The following FGF12 variants were observed in gnomAD, a reference collection of about 807,000 sequenced individuals.
FGF12 encodes fibroblast growth factor 12B.
In FGF12, 14 loss-of-function variants were observed where a neutral mutation model predicts 23.6. The observed-to-expected ratio is 0.59, with a 90% CI of 0.39 to 0.93. The LOEUF is 0.93. Ranked by LOEUF, FGF12 falls within the 40% of genes least tolerant of loss-of-function variation. FGF12 has a pLI of 0.00. For synonymous variants in FGF12, 62 were observed against 77.3 expected, an observed-to-expected ratio of 0.80 and a Z score of 1.04; for missense variants, 175 against 217.8, an observed-to-expected ratio of 0.80 and a Z score of 1.24.
chr3:192,423,476 A>T (rs961152406), intron 2 of FGF12, among the ~76,000 whole-genome samples: 9 of 152,196 alleles, frequency 5.9e-5, no homozygotes, highest in African/African-American at 1.9e-4. Flanking sequence ...AAACAGCTTA[A>T]ACTTTTTGTT....
intron 2 of FGF12, among the ~76,000 whole-genome samples, chr3:192,506,653 T>G (rs1414573909): frequency 6.6e-6 from 1 of 152,194 alleles, no homozygotes; most frequent in African/African-American, 2.4e-5. Context: ...ATTACAGGCG[T>G]GAGCCACCGA....
chr3:192,510,928 T>C (rs537084280), intron 2 of FGF12, among the ~76,000 whole-genome samples: 2 of 152,126 alleles, frequency 1.3e-5, no homozygotes, highest in East Asian at 1.9e-4. Flanking sequence ...TGCTAAACTA[T>C]AGAGATAGTA....
At chr3:192,388,072 A>C (rs942939720) in intron 2 of FGF12, among the ~76,000 whole-genome samples, 6 of 152,098 alleles carry the variant, frequency 3.9e-5, no homozygotes, top group Non-Finnish European at 5.9e-5. Flanking sequence ...CAGTATAGGC[A>C]ACATAAAGAC....
Position 192,408,562 on chromosome 3 carries a change from T to C in FGF12, c.14-48024A>G, listed in dbSNP as rs761781818. 9 of 1,125,682 alleles carry C rather than the reference T, an allele frequency of 8.0e-6. No homozygotes were observed. Among genetic ancestry groups the C allele is most frequent in the Non-Finnish European group, 9.8e-6 (9 of 918,508 alleles). 69.7% of individuals were successfully genotyped at this position (1,125,682 alleles called of 1,614,324 possible). ...GGCGTCCAAGGGGCAGTGGGGAGTT[T>C]AGTCACACTGCGTTCGGGGTACCAA... On this transcript the variant is annotated intron_variant, in intron 2 of 5. Coordinates refer to ENST00000445105, the MANE Select transcript of FGF12 (RefSeq NM_004113.6). The surrounding 1 kb of genome is among the most constrained non-coding windows in gnomAD (Gnocchi z 7.3).
chr3:192,666,909 TAGATAGATGATA>T (rs1560187690), intron 2 of FGF12, among the ~76,000 whole-genome samples: 22 of 140,444 alleles, frequency 1.6e-4, no homozygotes, highest in African/African-American at 5.8e-4. Flanking sequence ...GATAGTTGGA[TAGATAGATGATA>T]GATAGATAGA....
intron 2 of FGF12, among the ~76,000 whole-genome samples, chr3:192,475,900 T>C (rs530294898): frequency 2.2e-4 from 33 of 152,144 alleles, no homozygotes; most frequent in African/African-American, 7.7e-4. Context: ...AGATAATAGA[T>C]AGATGGTAGA....
chr3:192,290,888 CA>C (rs896581893), intron 4 of FGF12, among the ~76,000 whole-genome samples: 5 of 150,988 alleles, frequency 3.3e-5, no homozygotes, highest in East Asian at 3.9e-4. Flanking sequence ...TTATTTACTT[CA>C]AAAAAAAGGA....
At chr3:192,280,225 G>GT (rs1234163143) in intron 4 of FGF12, among the ~76,000 whole-genome samples, 3 of 151,906 alleles carry the variant, frequency 2.0e-5, no homozygotes, top group Non-Finnish European at 4.4e-5. Context: ...ATGTAATGAG[G>GT]TTTTTTTCCA....
At chr3:192,626,140 A>G (rs1715159820) in intron 2 of FGF12, among the ~76,000 whole-genome samples, 1 of 152,160 alleles carries the variant, frequency 6.6e-6, no homozygotes, top group Admixed American at 6.5e-5. Flanking sequence ...AGAATAAGTA[A>G]ATGATTAAAT....
chr3:192,590,142 C>T (rs1713559772), intron 2 of FGF12, among the ~76,000 whole-genome samples: 2 of 151,800 alleles, frequency 1.3e-5, no homozygotes, highest in Admixed American at 6.6e-5. Context: ...CATATTTAAC[C>T]TAAAACTCAG....
intron 4 of FGF12, among the ~76,000 whole-genome samples, chr3:192,285,326 T>G (rs1045503314): frequency 5.3e-5 from 8 of 152,020 alleles, no homozygotes; most frequent in Non-Finnish European, 8.8e-5. Context: ...AGTACTAAAA[T>G]TCAAGCCTCC....
chr3:192,219,988 T>C (rs1215072901), intron 4 of FGF12, among the ~76,000 whole-genome samples: 1 of 152,204 alleles, frequency 6.6e-6, no homozygotes, highest in Non-Finnish European at 1.5e-5. Flanking sequence ...CATTGTTTTC[T>C]TTTCCAGTGC....
intron 2 of FGF12, among the ~76,000 whole-genome samples, chr3:192,477,539 C>A (rs1372049577): frequency 1.3e-5 from 2 of 152,114 alleles, no homozygotes; most frequent in African/African-American, 4.8e-5. Flanking sequence ...ATACTTTATT[C>A]CCAATGATTG....
At chr3:192,684,291 A>G (rs1038276801) in intron 2 of FGF12, among the ~76,000 whole-genome samples, 1 of 152,230 alleles carries the variant, frequency 6.6e-6, no homozygotes, top group Non-Finnish European at 1.5e-5. Flanking sequence ...GGAAATACGC[A>G]TCAGACCCAC....
In FGF12 at chr3:192,366,819, G is replaced by C. The variant is rs376303932; in HGVS notation, c.14-6281C>G. Among the ~76,000 whole-genome samples, 11 of 152,320 alleles carry C rather than the reference G, an allele frequency of 7.2e-5. No individual in the cohort carries two copies. The East Asian group carries it at 1.9e-3, about 27-fold the overall frequency. On this transcript the variant is annotated intron_variant, in intron 2 of 5. Transcript: ENST00000445105. ...TAGAAGAGGGAGGATTTGGAGAGCT[G>C]TCTCCACGTTCTTGAAAATCCAAAG...
intron 4 of FGF12, among the ~76,000 whole-genome samples, chr3:192,224,149 G>A (rs1196683274): frequency 2.6e-5 from 4 of 152,086 alleles, no homozygotes; most frequent in African/African-American, 9.7e-5. Context: ...ATTACTACTA[G>A]ACAAACTGAT....
intron 2 of FGF12, among the ~76,000 whole-genome samples, chr3:192,558,729 T>C (rs956437227): frequency 3.9e-5 from 6 of 151,960 alleles, no homozygotes; most frequent in African/African-American, 1.4e-4. Context: ...CAATGCAATC[T>C]GGTACTGCCA....
chr3:192,193,237 T>C (rs998878405), intron 4 of FGF12, among the ~76,000 whole-genome samples: 4 of 152,226 alleles, frequency 2.6e-5, no homozygotes, highest in East Asian at 1.9e-4. Flanking sequence ...TTCTGGATTG[T>C]CAATGTTCCT....
chr3:192,345,213 GTAGT>G (rs1717895060), intron 3 of FGF12, among the ~76,000 whole-genome samples: 1 of 152,182 alleles, frequency 6.6e-6, no homozygotes, highest in Non-Finnish European at 1.5e-5. Flanking sequence ...TGCCATCATA[GTAGT>G]TAAAGTCTAA....
Sources: allele counts gnomAD v4.1 joint callset (sites outside exome capture counted in the v4.1 genomes callset), GRCh38; gene constraint gnomAD v4.1.1; non-coding constraint Gnocchi (gnomAD v3.1); transcripts MANE v1.5; gene names NCBI Gene and HGNC (gene_info 2026-07-23, HGNC 2026-07-21).